The following VEPH1 variants were observed in gnomAD, a reference collection of about 807,000 sequenced individuals.
VEPH1 encodes ventricular zone-expressed PH domain-containing protein homolog 1.
In VEPH1, 80 loss-of-function variants were observed where a neutral mutation model predicts 85.2. That is an observed-to-expected ratio of 0.94 (90% CI 0.78 to 1.13). VEPH1 has a LOEUF of 1.13. VEPH1 is among the 50% of genes most tolerant of loss of function. The pLI is 0.00. For synonymous variants in VEPH1, 297 were observed against 348.0 expected (o/e 0.85, Z 1.63); for missense variants, 955 against 980.5 (o/e 0.97, Z 0.35).
At chr3:157,365,701 A>G (rs1203870346) in intron 7 of VEPH1, among the ~76,000 whole-genome samples, 1 of 152,108 alleles carries the variant, frequency 6.6e-6, no homozygotes, top group East Asian at 1.9e-4. Context: ...TTAACTTATT[A>G]TTATTGGGTT....
chr3:157,416,854 G>A (rs1290952097), intron 5 of VEPH1, among the ~76,000 whole-genome samples: 4 of 148,902 alleles, frequency 2.7e-5, no homozygotes, highest in African/African-American at 1.0e-4. Flanking sequence ...AAAAGAAAGA[G>A]AGAAAGAGAA....
chr3:157,344,134 CT>C (rs1277801401), intron 9 of VEPH1, among the ~76,000 whole-genome samples: 1 of 152,188 alleles, frequency 6.6e-6, no homozygotes, highest in Non-Finnish European at 1.5e-5. Flanking sequence ...GGGATGCTCT[CT>C]CTCACCACTC....
intron 2 of VEPH1, among the ~76,000 whole-genome samples, chr3:157,477,341 A>G (rs1050528833): frequency 3.3e-5 from 5 of 152,066 alleles, no homozygotes; most frequent in African/African-American, 7.2e-5. Flanking sequence ...TTCCCCACTT[A>G]TAAGGACCCT....
rs1721510598 is a variant in VEPH1 at position 157,322,925 on chromosome 3, TC to T, written c.1736-5725del. On this transcript the variant is annotated intron_variant, in intron 9 of 13. Transcript: ENST00000362010. ...CTGGTAATTTGTCTGATGAGAGCTT[TC>T]CAAAAGTAGGTAAAATAAAGTATGT... 3.3e-5 allele frequency among the ~76,000 whole-genome samples: 5 copies of T among 152,322 alleles called. No homozygotes were observed. The South Asian group carries it at 8.3e-4, about 25-fold the overall frequency.
intron 11 of VEPH1, 135 bp downstream of exon 11, chr3:157,313,486 A>G: frequency 1.9e-6 from 2 of 1,073,236 alleles, no homozygotes; most frequent in South Asian, 1.7e-5. Flanking sequence ...ATAATTTCTT[A>G]CAAGTGTTTT....
At chr3:157,382,884 T>C (rs1728922409) in intron 6 of VEPH1, among the ~76,000 whole-genome samples, 1 of 152,186 alleles carries the variant, frequency 6.6e-6, no homozygotes, top group African/African-American at 2.4e-5. Context: ...CAGGCTGGAG[T>C]GCAGAGGTGT....
At chr3:157,453,327 T>C (rs376854180) in intron 4 of VEPH1, among the ~76,000 whole-genome samples, 3 of 152,170 alleles carry the variant, frequency 2.0e-5, no homozygotes, top group East Asian at 3.8e-4. Flanking sequence ...TTCTTCCTCA[T>C]CATCAAGTCG....
chr3:157,487,949 C>G (rs1408787631), intron 2 of VEPH1, among the ~76,000 whole-genome samples: 1 of 152,058 alleles, frequency 6.6e-6, no homozygotes, highest in African/African-American at 2.4e-5. Context: ...ACTGAAAAGT[C>G]AGAAAATTCT....
At chr3:157,487,938 C>T (rs1738810642) in intron 2 of VEPH1, among the ~76,000 whole-genome samples, 1 of 152,076 alleles carries the variant, frequency 6.6e-6, no homozygotes, top group Non-Finnish European at 1.5e-5. Flanking sequence ...ATTATGCTTA[C>T]ACTGAAAAGT....
intron 4 of VEPH1, among the ~76,000 whole-genome samples, chr3:157,430,808 A>T (rs1312264440): frequency 6.6e-6 from 1 of 152,212 alleles, no homozygotes; most frequent in Non-Finnish European, 1.5e-5. Context: ...TTCATTTTCT[A>T]TAGCTGTTAT....
At chr3:157,337,815 A>G (rs920117423) in intron 9 of VEPH1, among the ~76,000 whole-genome samples, 1 of 152,230 alleles carries the variant, frequency 6.6e-6, no homozygotes, top group African/African-American at 2.4e-5. Flanking sequence ...AGTTTATTTT[A>G]TACATAAAAA....
At chr3:157,305,805 TG>T (rs1270961547) in intron 11 of VEPH1, among the ~76,000 whole-genome samples, 1 of 152,248 alleles carries the variant, frequency 6.6e-6, no homozygotes, top group Non-Finnish European at 1.5e-5. Context: ...ATTTTAACTT[TG>T]ACTACTTTGC....
At position 157,259,782 on chromosome 3, in the gene VEPH1, CT is replaced by C. The variant is rs1481210662; in HGVS notation, c.*1351del. Reference sequence around the variant, plus strand: ...GCATACATTTATTATCTGAAAGTTTCTGTGGGTCAGGAGTCCAAACGTGATT... The same window carrying C: ...GCATACATTTATTATCTGAAAGTTTCGTGGGTCAGGAGTCCAAACGTGATT... On this transcript the variant is annotated 3_prime_UTR_variant, in exon 14 of 14. Coordinates refer to ENST00000362010, the MANE Select transcript of VEPH1 (RefSeq NM_001167912.2). 12 of 152,188 alleles carry C rather than the reference CT, an allele frequency of 7.9e-5. No individual in the cohort carries two copies. The highest frequency in any genetic ancestry group is 1.3e-4 in the Non-Finnish European group (9 of 68,034). The allele number at this position is 152,188 out of a possible 1,614,324, so 9.4% of individuals were successfully genotyped here.
chr3:157,481,486 A>AAAAAAAAAAAAAAAAAAAAAAC (rs57277738), intron 2 of VEPH1, among the ~76,000 whole-genome samples: 1 of 79,074 alleles, frequency 1.3e-5, no homozygotes, highest in African/African-American at 4.9e-5. Context: ...AAAAAAAAAA[A>AAAAAAAAAAAAAAAAAAAAAAC]CAATCCTAAG....
chr3:157,474,273 A>C (rs1737237072), intron 2 of VEPH1, among the ~76,000 whole-genome samples: 1 of 152,082 alleles, frequency 6.6e-6, no homozygotes, highest in African/African-American at 2.4e-5. Flanking sequence ...ATTTAACATA[A>C]AGATATTCTT....
intron 11 of VEPH1, among the ~76,000 whole-genome samples, chr3:157,309,340 A>G (rs1719842615): frequency 6.6e-6 from 1 of 152,178 alleles, no homozygotes; most frequent in African/African-American, 2.4e-5. Flanking sequence ...TCAGACAAAT[A>G]TTTATCATGC....
chr3:157,403,334 AT>A (rs1730908790), intron 6 of VEPH1, among the ~76,000 whole-genome samples: 1 of 152,178 alleles, frequency 6.6e-6, no homozygotes. Flanking sequence ...CGTGTAAACC[AT>A]TATTTAGGAA....
intron 7 of VEPH1, among the ~76,000 whole-genome samples, chr3:157,367,873 A>AT (rs1559999288): frequency 6.6e-6 from 1 of 152,066 alleles, no homozygotes; most frequent in East Asian, 1.9e-4. Flanking sequence ...TGAATTTATA[A>AT]TTTTTTTCTT....
At chr3:157,322,201 A>G (rs1055256973) in intron 9 of VEPH1, among the ~76,000 whole-genome samples, 4 of 152,210 alleles carry the variant, frequency 2.6e-5, no homozygotes, top group East Asian at 1.9e-4. Flanking sequence ...TACAAGTAGA[A>G]TCATATAATA....
Sources: allele counts gnomAD v4.1 joint callset (sites outside exome capture counted in the v4.1 genomes callset), GRCh38; gene constraint gnomAD v4.1.1; transcripts MANE v1.5; gene names NCBI Gene and HGNC (gene_info 2026-07-23, HGNC 2026-07-21).